The following IL1RAPL1 variants were observed in gnomAD, a reference collection of about 807,000 sequenced individuals.
IL1RAPL1 encodes the protein interleukin 1 receptor accessory protein like 1.
A neutral mutation model predicts 48.4 loss-of-function variants in IL1RAPL1; 3 were observed. That is an observed-to-expected ratio of 0.06 (90% CI 0.03 to 0.16). The LOEUF is 0.16. Among genes scored for constraint, IL1RAPL1 ranks in the 10% least tolerant of loss-of-function variants. IL1RAPL1 has a pLI of 1.00. For missense variants in IL1RAPL1, 349 were observed against 530.6 expected (o/e 0.66, Z 3.36); for synonymous variants, 185 against 187.7 (o/e 0.99, Z 0.12).
intron 8 of IL1RAPL1, among the ~76,000 whole-genome samples, chrX:29,934,411 T>C (rs12835699): frequency 0.049 from 5,439 of 112,079 alleles, 148 homozygotes; most frequent in Admixed American, 0.097. Flanking sequence ...CAGATTCGTG[T>C]ACAATAGCTG....
intron 5 of IL1RAPL1, among the ~76,000 whole-genome samples, chrX:29,450,716 C>T (rs1178775665): frequency 5.4e-5 from 6 of 111,107 alleles, no homozygotes; most frequent in South Asian, 7.5e-4. Context: ...CTGATGCAAC[C>T]GTTCCTATTA....
chrX:29,915,305 G>A (rs1319774707), intron 6 of IL1RAPL1, among the ~76,000 whole-genome samples: 1 of 111,513 alleles, frequency 9.0e-6, no homozygotes, highest in Non-Finnish European at 1.9e-5. Flanking sequence ...TCTGGGTTTA[G>A]GGGCGGGGGA....
intron 5 of IL1RAPL1, among the ~76,000 whole-genome samples, chrX:29,524,717 G>A (rs756529148): frequency 5.4e-5 from 6 of 112,070 alleles, no homozygotes; most frequent in African/African-American, 1.6e-4. Flanking sequence ...TTTGTACCAC[G>A]TAAGTTCATC....
intron 6 of IL1RAPL1, among the ~76,000 whole-genome samples, chrX:29,711,236 T>C (rs1201459011): frequency 9.6e-6 from 1 of 103,789 alleles, no homozygotes; most frequent in African/African-American, 3.5e-5. Context: ...CAGGCTGGAG[T>C]GCAATGGCGT....
chrX:28,762,313 A>C lies in IL1RAPL1; in HGVS notation c.-24-27007A>C, dbSNP rs1052293725. On this transcript the variant is annotated intron_variant, in intron 1 of 10. Coordinates refer to ENST00000378993, the MANE Select transcript of IL1RAPL1 (RefSeq NM_014271.4). The stretch of plus-strand genomic sequence containing the variant: ...CATTTAATATCCTTAGTGTATAATA[A>C]AATTTTACAATTAAGTAGGAAAATG... Among the ~76,000 whole-genome samples the C allele has an allele frequency of 3.6e-5, 4 of 111,935 alleles. No individual in the cohort carries two copies. The South Asian group carries it at 1.5e-3, about 41-fold the overall frequency.
At chrX:29,313,417 A>G (rs1231063640) in intron 3 of IL1RAPL1, among the ~76,000 whole-genome samples, 1 of 111,623 alleles carries the variant, frequency 9.0e-6, no homozygotes, top group Non-Finnish European at 1.9e-5. Context: ...ATATTCTAAA[A>G]TGTAAATCTC....
chrX:29,833,048 ATC>A (rs1930917417), intron 6 of IL1RAPL1, among the ~76,000 whole-genome samples: 1 of 111,491 alleles, frequency 9.0e-6, no homozygotes, highest in Non-Finnish European at 1.9e-5. Context: ...AGGTACAAAT[ATC>A]AGTAAAAAAT....
chrX:29,885,274 C>CAAA (rs1932127256), intron 6 of IL1RAPL1, among the ~76,000 whole-genome samples: 3 of 112,184 alleles, frequency 2.7e-5, no homozygotes, highest in Admixed American at 1.9e-4. Context: ...TTTAAAATTG[C>CAAA]AAACCTATTC....
Position 29,644,806 on chromosome X carries a change from A to G in IL1RAPL1, c.704-23624A>G, listed in dbSNP as rs776585360. On this transcript the variant is annotated intron_variant, in intron 5 of 10. Coordinates refer to ENST00000378993, the MANE Select transcript of IL1RAPL1 (RefSeq NM_014271.4). The stretch of plus-strand genomic sequence containing the variant: ...GGTCTCAAACTGCTGACCTCAAGCA[A>G]TCCTTCTGCCTTGGCTTCCATAAAT... Among the ~76,000 whole-genome samples the G allele has an allele frequency of 5.3e-5, 6 of 112,420 alleles. No individual in the cohort carries two copies. The East Asian group carries it at 1.1e-3, about 21-fold the overall frequency.
At position 29,941,657 on chromosome X, in the gene IL1RAPL1, T is replaced by C; in HGVS notation, c.1064T>C (p.Met355Thr). The C allele has an allele frequency of 1.7e-6, 2 of 1,210,319 alleles. No individual in the cohort carries two copies. The highest frequency in any genetic ancestry group is 3.5e-5 in the South Asian group (2 of 56,956). The change falls in exon 9 of 11, where the codon ATG (methionine) becomes ACG (threonine). Residue 355 changes from methionine (M) to threonine (T), a missense_variant. Transcript: ENST00000378993. Reference sequence around the variant, plus strand: ...TGTGGTTTTTTCTTTCTAGAGCTAATGTACACAGTGGAACTTGCTGGAGGC... The same window carrying C: ...TGTGGTTTTTTCTTTCTAGAGCTAACGTACACAGTGGAACTTGCTGGAGGC... Reference protein sequence around the residue: ...ASVLLHKRELMYTVELAGGLG... With the variant: ...ASVLLHKRELTYTVELAGGLG...
chrX:29,329,999 G>A (rs187898846), intron 3 of IL1RAPL1, among the ~76,000 whole-genome samples: 1,344 of 110,805 alleles, frequency 0.012, 11 homozygotes, highest in Non-Finnish European at 0.018. Flanking sequence ...GCTGGTGGTG[G>A]TGGAGGGTGA....
intron 3 of IL1RAPL1, among the ~76,000 whole-genome samples, chrX:29,337,244 A>C (rs1933008577): frequency 8.9e-6 from 1 of 112,206 alleles, no homozygotes; most frequent in African/African-American, 3.2e-5. Flanking sequence ...TATGCATTTT[A>C]ATGTTTCTAT....
intron 2 of IL1RAPL1, among the ~76,000 whole-genome samples, chrX:29,163,072 C>CAA (rs1370199170): frequency 1.3e-5 from 1 of 74,836 alleles, no homozygotes; most frequent in African/African-American, 5.0e-5. Flanking sequence ...GACTCCGTCT[C>CAA]AAAAAAAAAA....
At chrX:28,705,270 T>TG (rs1935361925) in intron 1 of IL1RAPL1, among the ~76,000 whole-genome samples, 1 of 111,427 alleles carries the variant, frequency 9.0e-6, no homozygotes, top group African/African-American at 3.3e-5. Context: ...CTGACCACAG[T>TG]GCCTGGGACA....
chrX:29,804,235 A>AT (rs958527495), intron 6 of IL1RAPL1, among the ~76,000 whole-genome samples: 2 of 111,395 alleles, frequency 1.8e-5, no homozygotes, highest in Admixed American at 9.6e-5. Context: ...GAGAGTTGGC[A>AT]TTTTTTCTGG....
At chrX:29,568,013 G>A (rs148084175) in intron 5 of IL1RAPL1, among the ~76,000 whole-genome samples, 1,613 of 109,715 alleles carry the variant, frequency 0.015, 26 homozygotes, top group African/African-American at 0.05. Flanking sequence ...ATCTGTTTCA[G>A]ATTACTAAAG....
Position 29,550,607 on chromosome X carries a change from C to CT in IL1RAPL1, c.704-117813dup, listed in dbSNP as rs1028543620. On this transcript the variant is annotated intron_variant, in intron 5 of 10. Coordinates refer to ENST00000378993, the MANE Select transcript of IL1RAPL1 (RefSeq NM_014271.4). ...CAAAGGTTTCTTTAAAAATCCTTAA[C>CT]TTTTTTTTTTCTGTTGACTTCTTCA... Among the ~76,000 whole-genome samples the CT allele has an allele frequency of 5.4e-3, 585 of 108,778 alleles. 1 individual carries two copies. Among genetic ancestry groups the CT allele is most frequent in the African/African-American group, 0.018 (551 of 30,052 alleles). The allele number at this position is 108,778 out of a possible 115,157, so 94.5% of individuals were successfully genotyped here.
chrX:29,798,032 C>G (rs1929787720), intron 6 of IL1RAPL1, among the ~76,000 whole-genome samples: 1 of 111,995 alleles, frequency 8.9e-6, no homozygotes, highest in South Asian at 3.7e-4. Context: ...GGGGGCTCAG[C>G]CCTGACTTGG....
intron 6 of IL1RAPL1, among the ~76,000 whole-genome samples, chrX:29,686,658 C>T (rs1235799928): frequency 9.2e-6 from 1 of 108,867 alleles, no homozygotes; most frequent in African/African-American, 3.3e-5. Flanking sequence ...CCCGGGTTCA[C>T]GCCAGTCTCC....
Sources: gnomAD v4.1 joint callset for allele counts (sites outside exome capture counted in the v4.1 genomes callset) on GRCh38, gnomAD v4.1.1 for gene constraint, MANE v1.5 for transcripts, NCBI Gene and HGNC (gene_info 2026-07-23, HGNC 2026-07-21) for gene names.